The following RSPO3 variants were observed in gnomAD, a reference collection of about 807,000 sequenced individuals.
RSPO3 encodes the protein R-spondin-3.
In RSPO3, 17 loss-of-function variants were observed where a neutral mutation model predicts 36.5. The observed-to-expected ratio is 0.47, with a 90% CI of 0.32 to 0.70. RSPO3 has a LOEUF of 0.70. Among genes scored for constraint, RSPO3 ranks in the 30% least tolerant of loss-of-function variants. The pLI, the probability that RSPO3 is intolerant of heterozygous loss-of-function variation, is 0.04. For missense variants in RSPO3, 294 were observed against 322.5 expected, an observed-to-expected ratio of 0.91 and a Z score of 0.68; for synonymous variants, 108 against 107.0, an observed-to-expected ratio of 1.01 and a Z score of -0.06.
chr6:127,188,254 A>G (rs956195710), intron 4 of RSPO3, among the ~76,000 whole-genome samples: 7 of 152,222 alleles, frequency 4.6e-5, no homozygotes, highest in African/African-American at 1.4e-4. Context: ...CCTATTGGCA[A>G]TGGTCCATTT....
intron 4 of RSPO3, among the ~76,000 whole-genome samples, chr6:127,189,488 AG>A (rs1401178725): frequency 1.3e-5 from 2 of 152,156 alleles, no homozygotes; most frequent in African/African-American, 2.4e-5. Flanking sequence ...GGCCATGTTA[AG>A]AAGCTTGGGT....
intron 4 of RSPO3, among the ~76,000 whole-genome samples, chr6:127,162,634 G>A (rs1024540837): frequency 7.9e-5 from 12 of 152,236 alleles, no homozygotes; most frequent in East Asian, 5.8e-4. Flanking sequence ...TAGGTGCTGA[G>A]GATAAAGCAG....
At chr6:127,195,769 A>T (rs1222156272) in intron 4 of RSPO3, 54 bp from the exon 5 acceptor site, 7 of 1,241,198 alleles carry the variant, frequency 5.6e-6, no homozygotes, top group African/African-American at 1.5e-5. Flanking sequence ...AAATGTAATT[A>T]AAAAATAGAA....
intron 4 of RSPO3, among the ~76,000 whole-genome samples, chr6:127,186,173 A>G (rs1217554014): frequency 2.0e-5 from 3 of 152,186 alleles, no homozygotes; most frequent in Non-Finnish European, 4.4e-5. Flanking sequence ...TCCATCAAAG[A>G]TGAAGACAGT....
At chr6:127,138,320 T>C (rs574853914) in intron 1 of RSPO3, among the ~76,000 whole-genome samples, 22 of 152,286 alleles carry the variant, frequency 1.4e-4, no homozygotes, top group African/African-American at 4.8e-4. Flanking sequence ...GAGCAGCTAG[T>C]GCCTCAGAGG....
At chr6:127,194,306 A>C (rs1582818371) in intron 4 of RSPO3, among the ~76,000 whole-genome samples, 1 of 152,308 alleles carries the variant, frequency 6.6e-6, no homozygotes, top group Admixed American at 6.5e-5. Flanking sequence ...TTTTTGTCAA[A>C]AGTTACTTAT....
intron 1 of RSPO3, among the ~76,000 whole-genome samples, chr6:127,123,231 A>G (rs1582782164): frequency 1.3e-5 from 2 of 152,270 alleles, no homozygotes; most frequent in African/African-American, 4.8e-5. Flanking sequence ...AAGTTAACTG[A>G]TAAAATAGAA....
intron 1 of RSPO3, among the ~76,000 whole-genome samples, chr6:127,122,169 G>A (rs982614101): frequency 8.5e-5 from 13 of 152,092 alleles, no homozygotes; most frequent in Admixed American, 2.0e-4. Context: ...AATTCCATTT[G>A]TCTCTACTTT....
chr6:127,150,166 GATATAT>G (rs768162516), intron 2 of RSPO3, among the ~76,000 whole-genome samples: 1 of 139,462 alleles, frequency 7.2e-6, no homozygotes, highest in African/African-American at 2.6e-5. Flanking sequence ...TATTCTTGGA[GATATAT>G]ATATATATAT....
In RSPO3 at chr6:127,118,799, G is replaced by A. The variant is rs1582779053; in HGVS notation, c.-394G>A. The A allele has an allele frequency of 6.4e-6, 1 of 156,014 alleles. No homozygotes were observed. The highest frequency in any genetic ancestry group is 1.4e-5 in the Non-Finnish European group (1 of 70,924). 9.7% of individuals were successfully genotyped at this position (156,014 alleles called of 1,614,324 possible). A position where few individuals can be genotyped will look rare whatever the true frequency, so the allele number is the denominator to read the frequency against. Reference sequence around the variant, plus strand: ...AGGGGCCCCCGCCGCTGCAGCCGCAGCCGCCGCAGCTTCTGAGCCCAAGGG... The same window carrying A: ...AGGGGCCCCCGCCGCTGCAGCCGCAACCGCCGCAGCTTCTGAGCCCAAGGG... On this transcript the variant is annotated 5_prime_UTR_variant, in exon 1 of 5. Coordinates refer to ENST00000356698, the MANE Select transcript of RSPO3 (RefSeq NM_032784.5).
rs372756646 is a variant in RSPO3, at chr6:127,196,274, G to T, written c.*267G>T. The T allele has an allele frequency of 1.6e-4, 38 of 243,044 alleles. 1 individual carries two copies. The highest frequency in any genetic ancestry group is 6.4e-4 in the African/African-American group (29 of 45,010). 15.1% of individuals were successfully genotyped at this position (243,044 alleles called of 1,614,324 possible). A position where few individuals can be genotyped will look rare whatever the true frequency, so the allele number is the denominator to read the frequency against. ...ACATTCTTGTACATATTATCAATAG[G>T]CTATAAGATGTAACAACGAAATGAT... On this transcript the variant is annotated 3_prime_UTR_variant, in exon 5 of 5. Transcript: ENST00000356698.
chr6:127,141,895 C>T (rs887839742), intron 1 of RSPO3, among the ~76,000 whole-genome samples: 10 of 151,970 alleles, frequency 6.6e-5, no homozygotes, highest in African/African-American at 2.4e-4. Flanking sequence ...GTGTGTGTAT[C>T]CATATACACA....
intron 4 of RSPO3, among the ~76,000 whole-genome samples, chr6:127,166,247 C>T (rs1008711872): frequency 1.3e-5 from 2 of 151,930 alleles, no homozygotes; most frequent in Non-Finnish European, 2.9e-5. Context: ...CAAAATGTTA[C>T]ATGCTATGAA....
intron 4 of RSPO3, among the ~76,000 whole-genome samples, chr6:127,158,395 G>T (rs897736096): frequency 2.0e-5 from 3 of 152,060 alleles, no homozygotes; most frequent in Non-Finnish European, 4.4e-5. Flanking sequence ...CTTTTCTTAT[G>T]AATTTAAAGT....
intron 1 of RSPO3, among the ~76,000 whole-genome samples, chr6:127,128,203 T>G (rs983186513): frequency 3.3e-5 from 5 of 152,064 alleles, no homozygotes; most frequent in African/African-American, 1.2e-4. Context: ...AAAGTTATCT[T>G]TATGGCACTT....
At chr6:127,140,088 A>AT (rs1052776581) in intron 1 of RSPO3, among the ~76,000 whole-genome samples, 10 of 152,156 alleles carry the variant, frequency 6.6e-5, no homozygotes, top group Admixed American at 1.3e-4. Flanking sequence ...TAGTCCATAG[A>AT]TTTTTAATTC....
chr6:127,118,686 G>A lies in RSPO3; in HGVS notation c.-507G>A. 6.7e-6 allele frequency: 1 copy of A among 150,224 alleles called. No individual in the cohort carries two copies. Among genetic ancestry groups the A allele is most frequent in the South Asian group, 1.8e-4 (1 of 5,470 alleles). 9.3% of individuals were successfully genotyped at this position (150,224 alleles called of 1,614,324 possible). A position where few individuals can be genotyped will look rare whatever the true frequency, so the allele number is the denominator to read the frequency against. ...CCAGCCCAACACTGGAGCGTCTCCT[G>A]CTCGCGCACGCCAGAAGCAGCTCGG... is the stretch of plus-strand genomic sequence containing the variant. On this transcript the variant is annotated 5_prime_UTR_variant, in exon 1 of 5. Coordinates refer to ENST00000356698, the MANE Select transcript of RSPO3 (RefSeq NM_032784.5).
Position 127,199,227 on chromosome 6 carries a change from C to A in RSPO3, c.*3220C>A, listed in dbSNP as rs577430500. ...CAAATCTGCAAAATGGAATTGGCAT[C>A]ATCTCTTTTGCAAGATTGTTATGAG... On this transcript the variant is annotated 3_prime_UTR_variant, in exon 5 of 5. Coordinates refer to ENST00000356698, the MANE Select transcript of RSPO3 (RefSeq NM_032784.5). Among the ~76,000 whole-genome samples the A allele has an allele frequency of 3.9e-5, 6 of 152,284 alleles. No individual in the cohort carries two copies. The South Asian group carries it at 8.3e-4, about 21-fold the overall frequency.
intron 1 of RSPO3, among the ~76,000 whole-genome samples, chr6:127,147,819 C>T (rs1366974923): frequency 2.0e-5 from 3 of 152,138 alleles, no homozygotes; most frequent in Non-Finnish European, 2.9e-5. Context: ...ACATTTCACT[C>T]GAGTAAGTAG....
Sources: gnomAD v4.1 joint callset for allele counts (sites outside exome capture counted in the v4.1 genomes callset) on GRCh38, gnomAD v4.1.1 for gene constraint, MANE v1.5 for transcripts, NCBI Gene and HGNC (gene_info 2026-07-23, HGNC 2026-07-21) for gene names.